Variants in C2CD3 observed in about 807,000 individuals in gnomAD.
C2CD3 encodes the protein C2 domain containing 3 centriole elongation regulator.
A neutral mutation model predicts 234.0 loss-of-function variants in C2CD3; 148 were observed. That is an observed-to-expected ratio of 0.63 (90% CI 0.55 to 0.72). The LOEUF (loss-of-function observed/expected upper bound fraction) is 0.72, where lower values mean the gene tolerates loss of function less well. C2CD3 is among the 30% of genes least tolerant of loss of function. The pLI, the probability that C2CD3 is intolerant of heterozygous loss-of-function variation, is 0.00. For missense variants in C2CD3, 2,577 were observed against 2,811.5 expected (o/e 0.92, Z 1.89); for synonymous variants, 1,000 against 1,035.4 (o/e 0.97, Z 0.66).
intron 31 of C2CD3, among the ~76,000 whole-genome samples, chr11:74,031,186 T>C (rs1245281779): frequency 6.6e-6 from 1 of 152,236 alleles, no homozygotes; most frequent in Non-Finnish European, 1.5e-5. Context: ...TACATGATTA[T>C]TTTCATTTTC....
chr11:74,120,087 C>T (rs1488380887), intron 8 of C2CD3, among the ~76,000 whole-genome samples: 2 of 151,452 alleles, frequency 1.3e-5, no homozygotes, highest in Non-Finnish European at 2.9e-5. Flanking sequence ...TGGCATGTGG[C>T]TACTAGCTAC....
chr11:74,062,792 G>A (rs12294635), intron 24 of C2CD3, among the ~76,000 whole-genome samples: 9,203 of 149,924 alleles, frequency 0.061, 485 homozygotes, highest in African/African-American at 0.15. Context: ...AATTGAAGGA[G>A]ATAGAGACAC....
In C2CD3 at chr11:74,034,099, G is replaced by C. The variant is rs1483099922; in HGVS notation, c.6061C>G (p.Pro2021Ala). The change falls in exon 31 of 33, where the codon CCC becomes GCC. Residue 2021 changes from proline to alanine, a missense_variant. Physicochemically the swap from Pro to Ala is conservative, Grantham distance 27. Coordinates refer to ENST00000334126, the MANE Select transcript of C2CD3 (RefSeq NM_001286577.2). ...TTTGAAGTCTCTTCGAGAGGAGGGG[G>C]TGATGGGGAATCTGTGCCTTTATCT... ...APDKGTDSPS[P>A]PPLEETSNGG... The C allele has an allele frequency of 2.6e-6, 4 of 1,536,218 alleles. No homozygotes were observed. In the South Asian group the frequency reaches 4.8e-5, roughly 18 times the overall value.
chr11:74,080,148 T>C lies in C2CD3; in HGVS notation c.4001-1431A>G, dbSNP rs908320766. The stretch of plus-strand genomic sequence containing the variant: ...TCAGATTTTGGCATTATATAAAACA[T>C]TGTGGAATGATAATATTCACAGCAA... On this transcript the variant is annotated intron_variant, in intron 22 of 32. Coordinates refer to ENST00000334126, the MANE Select transcript of C2CD3 (RefSeq NM_001286577.2). 3.9e-5 allele frequency among the ~76,000 whole-genome samples: 6 copies of C among 152,200 alleles called. No homozygotes were observed. In the South Asian group the frequency reaches 6.2e-4, roughly 16 times the overall value.
intron 24 of C2CD3, among the ~76,000 whole-genome samples, chr11:74,074,046 G>A (rs767558941): frequency 1.3e-5 from 2 of 152,360 alleles, no homozygotes; most frequent in South Asian, 2.1e-4. Context: ...ATCTATCTAG[G>A]TTGAGACTCA....
chr11:74,028,471 G>T, intron 31 of C2CD3, 73 bp from the exon 32 acceptor site: 2 of 866,030 alleles, frequency 2.3e-6, no homozygotes, highest in South Asian at 3.3e-5. Context: ...CATCTCCACT[G>T]ACCATTCACT....
intron 20 of C2CD3, among the ~76,000 whole-genome samples, chr11:74,089,177 T>C (rs1590765229): frequency 6.6e-6 from 1 of 152,174 alleles, no homozygotes; most frequent in Non-Finnish European, 1.5e-5. Flanking sequence ...CAAGTTTTAA[T>C]GTAAGGAAGT....
At position 74,056,901 on chromosome 11, in the gene C2CD3, A is replaced by ATT. The variant is rs3076367; in HGVS notation, c.5090+503_5090+504dup. Among the ~76,000 whole-genome samples, 846 of 136,876 alleles carry ATT rather than the reference A, an allele frequency of 6.2e-3. 13 individuals are homozygous for ATT. Among genetic ancestry groups the ATT allele is most frequent in the African/African-American group, 9.0e-3 (338 of 37,468 alleles). The allele number at this position is 136,876 out of a possible 152,430, so 89.8% of individuals were successfully genotyped here. A position where few individuals can be genotyped will look rare whatever the true frequency, so the allele number is the denominator to read the frequency against. On this transcript the variant is annotated intron_variant, in intron 25 of 32. Coordinates refer to ENST00000334126, the MANE Select transcript of C2CD3 (RefSeq NM_001286577.2). ...CCCCTTCTTATTTCTCTTTATTGTAATTTTTTTTTTTTTTTTTGAGACATG... is the reference window on the plus strand; with the variant it reads ...CCCCTTCTTATTTCTCTTTATTGTAATTTTTTTTTTTTTTTTTTTGAGACATG...
chr11:74,159,806 T>C lies in C2CD3; in HGVS notation c.483+1593A>G, dbSNP rs369365848. 5.3e-5 allele frequency among the ~76,000 whole-genome samples: 8 copies of C among 152,272 alleles called. No individual in the cohort carries two copies. The East Asian group carries it at 1.5e-3, about 29-fold the overall frequency. On this transcript the variant is annotated intron_variant, in intron 3 of 32. Transcript: ENST00000334126. ...TCTACAGTACAGTAGTACATGGTAATGTCCTAGGCCTTCACATTCACTCAC... is the reference window on the plus strand; with the variant it reads ...TCTACAGTACAGTAGTACATGGTAACGTCCTAGGCCTTCACATTCACTCAC...
intron 12 of C2CD3, 38 bp from the exon 13 acceptor site, chr11:74,106,531 A>G: frequency 6.3e-7 from 1 of 1,599,416 alleles, no homozygotes; most frequent in Non-Finnish European, 8.5e-7. Context: ...GATTAATTAA[A>G]GAGAAGCCAC....
In C2CD3 at chr11:74,108,885, A is replaced by AATG. The variant is rs1185018496; in HGVS notation, c.1962+146_1962+148dup. 8.4e-4 allele frequency: 294 copies of AATG among 349,760 alleles called. 3 individuals carry two copies. The highest frequency in any genetic ancestry group is 5.9e-3 in the African/African-American group (269 of 45,924). The allele number at this position is 349,760 out of a possible 1,614,324, so 21.7% of individuals were successfully genotyped here. Reference sequence around the variant, plus strand: ...AGAGATTAGTAGTAGTAATAATAATAATGATAATAATAATAATAATAATAA... The same window carrying AATG: ...AGAGATTAGTAGTAGTAATAATAATAATGATGATAATAATAATAATAATAATAA... On this transcript the variant is annotated intron_variant, in intron 12 of 32. Coordinates refer to ENST00000334126, the MANE Select transcript of C2CD3 (RefSeq NM_001286577.2).
chr11:74,023,884 T>C (rs1952186539), intron 32 of C2CD3, among the ~76,000 whole-genome samples: 1 of 152,222 alleles, frequency 6.6e-6, no homozygotes, highest in African/African-American at 2.4e-5. Context: ...AATCACTGTA[T>C]AATTTTAATG....
intron 30 of C2CD3, chr11:74,034,758 C>A: frequency 1.4e-6 from 1 of 728,068 alleles, no homozygotes. Flanking sequence ...ATAGAAGCAG[C>A]AAGGTATGTT....
At chr11:74,023,723 A>G (rs1157631696) in intron 32 of C2CD3, among the ~76,000 whole-genome samples, 1 of 151,776 alleles carries the variant, frequency 6.6e-6, no homozygotes, top group Non-Finnish European at 1.5e-5. Flanking sequence ...TCATTGCATT[A>G]GCACATAGAA....
chr11:74,028,288 T>G lies in C2CD3; in HGVS notation c.6920A>C (p.Gln2307Pro), dbSNP rs913920515. 3.9e-6 allele frequency: 6 copies of G among 1,533,836 alleles called. No homozygotes were observed. In the African/African-American group the frequency reaches 8.2e-5, roughly 21 times the overall value. ...AAGGTCAGTTGGCCATTCTCTTACC[T>G]GATCTGTTGTGGCTGCTGGTGGCAA... ...ATLPPAATTD[Q>P]DKSEATRGAL... The change falls in exon 32 of 33, where the codon CAG becomes CCG. Residue 2307 changes from glutamine to proline, a missense_variant and splice_region_variant. Transcript: ENST00000334126.
chr11:74,086,831 T>C (rs1955663213), intron 20 of C2CD3, among the ~76,000 whole-genome samples: 3 of 152,220 alleles, frequency 2.0e-5, no homozygotes, highest in Admixed American at 2.0e-4. Context: ...TCACCTATTT[T>C]TGAAGCATTT....
At chr11:74,091,546 T>C (rs972849942) in intron 19 of C2CD3, among the ~76,000 whole-genome samples, 5 of 152,230 alleles carry the variant, frequency 3.3e-5, no homozygotes, top group African/African-American at 1.2e-4. Flanking sequence ...TAAACTTCGT[T>C]ATCTGATGAT....
At position 74,074,486 on chromosome 11, in the gene C2CD3, G is replaced by C. The variant is rs142361614; in HGVS notation, c.4718C>G (p.Ser1573Cys). 1.9e-6 allele frequency: 3 copies of C among 1,614,198 alleles called. No individual in the cohort carries two copies. The highest frequency in any genetic ancestry group is 1.7e-6 in the Non-Finnish European group (2 of 1,180,014). The change falls in exon 24 of 33, where the codon TCC becomes TGC. Residue 1573 changes from serine to cysteine, a missense_variant. Coordinates refer to ENST00000334126, the MANE Select transcript of C2CD3 (RefSeq NM_001286577.2). Reference sequence around the variant, plus strand: ...CTCACTGTGGCTGCTGCAGTCCATGGAGTCCAGCTCATGAGTGGGCTCAAG... The same window carrying C: ...CTCACTGTGGCTGCTGCAGTCCATGCAGTCCAGCTCATGAGTGGGCTCAAG... ...SHLEPTHELD[S>C]MDCSSHSESE...
chr11:74,070,992 C>T (rs533615348), intron 24 of C2CD3: 3 of 152,312 alleles, frequency 2.0e-5, no homozygotes, highest in South Asian at 4.1e-4. Context: ...CAAAAAAATG[C>T]CCTCTGTGTT....
Sources: allele counts gnomAD v4.1 joint callset (sites outside exome capture counted in the v4.1 genomes callset), GRCh38; gene constraint gnomAD v4.1.1; transcripts MANE v1.5; gene names NCBI Gene and HGNC (gene_info 2026-07-23, HGNC 2026-07-21).